The following ASPH variants were observed in gnomAD, a reference collection of about 807,000 sequenced individuals.
The protein encoded by ASPH is aspartate beta-hydroxylase.
In ASPH, 100 loss-of-function variants were observed where a neutral mutation model predicts 118.4. That is an observed-to-expected ratio of 0.84 (90% CI 0.72 to 1.00). The LOEUF is 1.00. Among genes scored for constraint, ASPH ranks in the 50% least tolerant of loss-of-function variants. ASPH has a pLI of 0.00. For missense variants in ASPH, 920 were observed against 919.5 expected, an observed-to-expected ratio of 1.00 and a Z score of -0.01; for synonymous variants, 315 against 325.6, an observed-to-expected ratio of 0.97 and a Z score of 0.35.
intron 14 of ASPH, among the ~76,000 whole-genome samples, chr8:61,618,019 G>C (rs1454411431): frequency 6.6e-6 from 1 of 151,786 alleles, no homozygotes; most frequent in Non-Finnish European, 1.5e-5. Flanking sequence ...AAGTAGTAGG[G>C]AAGAGGACTG....
Position 61,514,468 on chromosome 8 carries a change from T to C in ASPH, c.2126+3060A>G, listed in dbSNP as rs188002514. Reference sequence around the variant, plus strand: ...GTGGCTCATGCCTGTAATCCCAGAATTTTGGGAGGCCCAGGCAGATCACAA... The same window carrying C: ...GTGGCTCATGCCTGTAATCCCAGAACTTTGGGAGGCCCAGGCAGATCACAA... On this transcript the variant is annotated intron_variant, in intron 24 of 24. Transcript: ENST00000379454. 2.6e-5 allele frequency among the ~76,000 whole-genome samples: 4 copies of C among 152,148 alleles called. No individual in the cohort carries two copies. In the East Asian group the frequency reaches 5.8e-4, roughly 22 times the overall value.
intron 13 of ASPH, chr8:61,633,033 T>A (rs1214632769): frequency 1.3e-5 from 2 of 158,138 alleles, no homozygotes; most frequent in African/African-American, 4.8e-5. Flanking sequence ...ACGAGGTTTA[T>A]AAACTCACTT....
At chr8:61,712,420 G>GA (rs1200677056) in intron 1 of ASPH, among the ~76,000 whole-genome samples, 1 of 152,162 alleles carries the variant, frequency 6.6e-6, no homozygotes, top group African/African-American at 2.4e-5. Context: ...AGAAAAAAAA[G>GA]AAAAGGTTGC....
At chr8:61,708,998 C>G (rs548913688) in intron 1 of ASPH, among the ~76,000 whole-genome samples, 2 of 151,838 alleles carry the variant, frequency 1.3e-5, no homozygotes, top group African/African-American at 4.8e-5. Flanking sequence ...CACAGGGGGC[C>G]GAATAGCCCA....
chr8:61,626,131 T>C, intron 13 of ASPH: 1 of 1,255,652 alleles, frequency 8.0e-7, no homozygotes, highest in East Asian at 3.1e-5. Flanking sequence ...TGGACTATAA[T>C]TCATTCAAAA....
At chr8:61,644,924 C>T (rs1185623153) in intron 6 of ASPH, among the ~76,000 whole-genome samples, 5 of 152,140 alleles carry the variant, frequency 3.3e-5, no homozygotes, top group African/African-American at 9.7e-5. Flanking sequence ...CCAGGAAAGC[C>T]GTTCATTTCT....
At chr8:61,565,105 A>T (rs1831245432) in intron 17 of ASPH, among the ~76,000 whole-genome samples, 2 of 152,222 alleles carry the variant, frequency 1.3e-5, no homozygotes, top group African/African-American at 4.8e-5. Context: ...GTTCTATATT[A>T]TGTATGCTAC....
intron 14 of ASPH, among the ~76,000 whole-genome samples, chr8:61,584,285 A>C (rs1279101659): frequency 6.6e-6 from 1 of 151,700 alleles, no homozygotes; most frequent in East Asian, 1.9e-4. Flanking sequence ...GTATACTGAA[A>C]CTCTCCAGGA....
rs575977880 is a variant in ASPH at position 61,576,052 on chromosome 8, TC to T, written c.1149+719del. 3.3e-5 allele frequency among the ~76,000 whole-genome samples: 5 copies of T among 152,308 alleles called. No homozygotes were observed. The South Asian group carries it at 8.3e-4, about 25-fold the overall frequency. On this transcript the variant is annotated intron_variant, in intron 16 of 24. Transcript: ENST00000379454. Reference sequence around the variant, plus strand: ...CCATCCCCTGATCACCTTGAGTCTTTCCCATGTAGCCCTGTTTGGCATGCTG... The same window carrying T: ...CCATCCCCTGATCACCTTGAGTCTTTCCATGTAGCCCTGTTTGGCATGCTG...
chr8:61,710,264 T>C (rs577216405), intron 1 of ASPH, among the ~76,000 whole-genome samples: 2 of 152,344 alleles, frequency 1.3e-5, no homozygotes, highest in South Asian at 2.1e-4. Context: ...CAGGTCATCA[T>C]ATTCCTTCTC....
intron 13 of ASPH, chr8:61,624,192 A>T (rs989463065): frequency 2.1e-6 from 2 of 954,016 alleles, no homozygotes; most frequent in African/African-American, 3.5e-5. Context: ...ATATAGTCAA[A>T]TTTATACATC....
chr8:61,698,414 A>G (rs1834441818), intron 1 of ASPH, among the ~76,000 whole-genome samples: 1 of 152,246 alleles, frequency 6.6e-6, no homozygotes, highest in Non-Finnish European at 1.5e-5. Flanking sequence ...TGAAATAGGC[A>G]AGGAGGCAGC....
At chr8:61,714,045 G>A (rs551500894) in intron 1 of ASPH, among the ~76,000 whole-genome samples, 37 of 152,350 alleles carry the variant, frequency 2.4e-4, no homozygotes, top group African/African-American at 8.9e-4. Context: ...GGCTCCCCGA[G>A]ACTAGCATCC....
At chr8:61,523,304 T>TTTTCTTTCTTTC (rs142232867) in intron 22 of ASPH, among the ~76,000 whole-genome samples, 6 of 139,510 alleles carry the variant, frequency 4.3e-5, no homozygotes, top group Non-Finnish European at 6.2e-5. Flanking sequence ...ACACTTATTA[T>TTTTCTTTCTTTC]TTTCTTTCTT....
In ASPH at chr8:61,665,659, T is replaced by A. The variant is rs1040641906; in HGVS notation, c.323-11999A>T. On this transcript the variant is annotated intron_variant, in intron 3 of 24. Transcript: ENST00000379454. ...AATGTTTATTGACAGGATCTCTTAA[T>A]CACAGAACAGGAAGTTAGTGAAAAG... The A allele has an allele frequency of 4.0e-6, 6 of 1,499,970 alleles. No individual in the cohort carries two copies. In the African/African-American group the frequency reaches 4.2e-5, roughly 11 times the overall value. The allele number at this position is 1,499,970 out of a possible 1,614,324, so 92.9% of individuals were successfully genotyped here.
chr8:61,526,086 G>T lies in ASPH; in HGVS notation c.1791C>A (p.Ile597=), dbSNP rs777880398. The part of the protein sequence containing the change: ...VKSLERNWKL[I]RDEGLAVMDK... The stretch of plus-strand genomic sequence containing the variant: ...CCATCACTGCAAGGCCTTCATCTCG[G>T]ATTAACTTCCAGTTTCTTTCTAAAG... The change falls in exon 22 of 25, where the codon ATC becomes ATA. Residue 597 remains isoleucine (I), a synonymous_variant. Coordinates refer to ENST00000379454, the MANE Select transcript of ASPH (RefSeq NM_004318.4). The T allele has an allele frequency of 6.2e-7, 1 of 1,613,996 alleles. No individual in the cohort carries two copies. Among genetic ancestry groups the T allele is most frequent in the South Asian group, 1.1e-5 (1 of 91,076 alleles).
At chr8:61,642,857 G>GAAA (rs564151536) in intron 10 of ASPH, 31 bp downstream of exon 10, 36 of 1,049,410 alleles carry the variant, frequency 3.4e-5, no homozygotes, top group South Asian at 7.0e-5. Flanking sequence ...AAAAAAAAAA[G>GAAA]AAAAAAAAAA....
At chr8:61,648,398 G>C (rs530915454) in intron 5 of ASPH, among the ~76,000 whole-genome samples, 2 of 152,188 alleles carry the variant, frequency 1.3e-5, no homozygotes, top group South Asian at 4.1e-4. Flanking sequence ...GATGCTATTT[G>C]TTTTCTATCT....
At chr8:61,682,059 G>C (rs954690996) in intron 2 of ASPH, among the ~76,000 whole-genome samples, 5 of 151,914 alleles carry the variant, frequency 3.3e-5, no homozygotes, top group African/African-American at 1.2e-4. Context: ...CAGAAGAACA[G>C]GCAGAAATTT....
Sources: gnomAD v4.1 joint callset for allele counts (sites outside exome capture counted in the v4.1 genomes callset) on GRCh38, gnomAD v4.1.1 for gene constraint, MANE v1.5 for transcripts, NCBI Gene and HGNC (gene_info 2026-07-23, HGNC 2026-07-21) for gene names.